The following CPZ variants were observed in gnomAD, a reference collection of about 807,000 sequenced individuals.
CPZ encodes VEZT/CPZ fusion.
A neutral mutation model predicts 61.8 loss-of-function variants in CPZ; 103 were observed. That is an observed-to-expected ratio of 1.67 (90% confidence interval 1.42 to 1.96). The LOEUF (loss-of-function observed/expected upper bound fraction) is 1.96, where lower values mean the gene tolerates loss of function less well. Ranked by LOEUF, CPZ falls within the 30% of genes most tolerant of loss-of-function variation. The pLI is 0.00. For synonymous variants in CPZ, 551 were observed against 373.7 expected, an observed-to-expected ratio of 1.47 and a Z score of -5.47; for missense variants, 1,461 against 914.9, an observed-to-expected ratio of 1.60 and a Z score of -7.70.
Position 8,612,115 on chromosome 4 carries a change from A to G in CPZ, c.1316A>G (p.Lys439Arg). Residue 439 changes from lysine to arginine, a missense_variant, in exon 8 of 11, where the codon AAG becomes AGG. Coordinates refer to ENST00000360986, the MANE Select transcript of CPZ (RefSeq NM_001014447.3). ...SENRCGGNFL[K>R]RGSIINGADW... ...AATAGGTGTGGAGGCAATTTCCTGAAGAGGGGGAGCATCATCAACGGGGCG... is the reference window on the plus strand; with the variant it reads ...AATAGGTGTGGAGGCAATTTCCTGAGGAGGGGGAGCATCATCAACGGGGCG... 1.3e-6 allele frequency: 2 copies of G among 1,595,354 alleles called. No individual in the cohort carries two copies. Among genetic ancestry groups the G allele is most frequent in the African/African-American group, 1.4e-5 (1 of 73,500 alleles).
intron 7 of CPZ, among the ~76,000 whole-genome samples, chr4:8,610,116 G>T (rs926888948): frequency 3.9e-5 from 6 of 152,224 alleles, no homozygotes; most frequent in Non-Finnish European, 8.8e-5. Flanking sequence ...TTTCCCAAGG[G>T]CTTCCTGGGG....
At position 8,615,854 on chromosome 4, in the gene CPZ, G is replaced by A. The variant is rs553700660; in HGVS notation, c.1503+1356G>A. On this transcript the variant is annotated intron_variant, in intron 9 of 10. Coordinates refer to ENST00000360986, the MANE Select transcript of CPZ (RefSeq NM_001014447.3). The stretch of plus-strand genomic sequence containing the variant: ...GAGCGAACTCCCTGGGGCAGCAGCC[G>A]CTGAGATAGGAAAGAAACAAAGCCC... Among the ~76,000 whole-genome samples, 10 of 152,340 alleles carry A rather than the reference G, an allele frequency of 6.6e-5. No homozygotes were observed. In the South Asian group the frequency reaches 8.3e-4, roughly 13 times the overall value.
intron 5 of CPZ, 104 bp from the exon 6 acceptor site, chr4:8,606,633 C>T (rs773133134): frequency 6.9e-7 from 1 of 1,446,366 alleles, no homozygotes; most frequent in Non-Finnish European, 9.6e-7. Context: ...CCGGGGGAAA[C>T]CGCAGCCCCT....
chr4:8,605,906 A>C (rs533492571), intron 4 of CPZ, 83 bp from the exon 5 acceptor site: 1 of 1,395,226 alleles, frequency 7.2e-7, no homozygotes, highest in African/African-American at 1.4e-5. Flanking sequence ...CCATCTGGTC[A>C]TTCTTGCTGA....
At position 8,618,084 on chromosome 4, in the gene CPZ, G is replaced by C. The variant is rs115400033; in HGVS notation, c.1504-345G>C. On this transcript the variant is annotated intron_variant, in intron 9 of 10. Coordinates refer to ENST00000360986, the MANE Select transcript of CPZ (RefSeq NM_001014447.3). ...GAGGGACCCAGGGAGTCCCGCTGGG[G>C]CTGGGAAGGCAGGGAAGGAATGCCG... 1,438 of 314,200 alleles carry C rather than the reference G, an allele frequency of 4.6e-3. 26 individuals carry two copies. Among genetic ancestry groups the C allele is most frequent in the African/African-American group, 0.029 (1,362 of 46,706 alleles). The allele number at this position is 314,200 out of a possible 1,614,324, so 19.5% of individuals were successfully genotyped here.
At chr4:8,593,585 G>A (rs916382399) in intron 1 of CPZ, among the ~76,000 whole-genome samples, 6 of 152,208 alleles carry the variant, frequency 3.9e-5, no homozygotes, top group Non-Finnish European at 5.9e-5. Context: ...CTCTCCAGGT[G>A]TGGGGGTGCA....
intron 8 of CPZ, among the ~76,000 whole-genome samples, chr4:8,613,120 C>A (rs1715852583): frequency 6.6e-6 from 1 of 151,170 alleles, no homozygotes; most frequent in South Asian, 2.1e-4. Context: ...CTGGGAGAGG[C>A]CCCTCTCTGT....
intron 7 of CPZ, among the ~76,000 whole-genome samples, chr4:8,608,135 T>TCCGGGCCCCAGCCTCCAGCCC (rs1715202301): frequency 7.3e-6 from 1 of 137,574 alleles, no homozygotes; most frequent in African/African-American, 3.1e-5. Flanking sequence ...GGCCCCAGCC[T>TCCGGGCCCCAGCCTCCAGCCC]CCAGCCCCCA....
chr4:8,596,341 C>T (rs2109310874), intron 1 of CPZ, among the ~76,000 whole-genome samples: 1 of 152,346 alleles, frequency 6.6e-6, no homozygotes, highest in East Asian at 1.9e-4. Context: ...TGGGCCACTG[C>T]ACCCGGCTGT....
At chr4:8,617,660 G>A (rs915975567) in intron 9 of CPZ, among the ~76,000 whole-genome samples, 8 of 152,102 alleles carry the variant, frequency 5.3e-5, no homozygotes, top group Admixed American at 2.0e-4. Flanking sequence ...GCTGAGCCCC[G>A]TGCAGGGCCC....
chr4:8,593,199 C>T (rs1379608457), intron 1 of CPZ, among the ~76,000 whole-genome samples: 1 of 152,192 alleles, frequency 6.6e-6, no homozygotes, highest in African/African-American at 2.4e-5. Flanking sequence ...GATCTTTTTC[C>T]TGTCGGACAC....
chr4:8,612,116 GA>G lies in CPZ; in HGVS notation c.1318del (p.Arg440GlyfsTer32), dbSNP rs1244491093. On this transcript the variant is annotated frameshift_variant, in exon 8 of 11. Coordinates refer to ENST00000360986, the MANE Select transcript of CPZ (RefSeq NM_001014447.3). LOFTEE classifies it high-confidence loss of function. The stretch of plus-strand genomic sequence containing the variant: ...ATAGGTGTGGAGGCAATTTCCTGAA[GA>G]GGGGGAGCATCATCAACGGGGCGGA... ...ENRCGGNFLK[R>X]GSIINGADWY... 6.2e-7 allele frequency: 1 copy of G among 1,611,706 alleles called. No individual in the cohort carries two copies.
At chr4:8,599,682 G>A in intron 2 of CPZ, 197 bp downstream of exon 2, 1 of 1,405,512 alleles carries the variant, frequency 7.1e-7, no homozygotes, top group Non-Finnish European at 9.4e-7. Flanking sequence ...CTAGGAAAAG[G>A]TGCACCAGCT....
intron 1 of CPZ, among the ~76,000 whole-genome samples, chr4:8,596,096 G>A (rs1428629207): frequency 6.6e-6 from 1 of 151,470 alleles, no homozygotes; most frequent in Non-Finnish European, 1.5e-5. Flanking sequence ...CTGTCACCCA[G>A]GCTGGAGTGC....
intron 9 of CPZ, among the ~76,000 whole-genome samples, chr4:8,614,894 C>G (rs952023692): frequency 1.3e-5 from 2 of 151,874 alleles, no homozygotes; most frequent in African/African-American, 4.8e-5. Flanking sequence ...AATCAAACCA[C>G]AGGACAGGGA....
At chr4:8,614,816 C>A (rs1257492953) in intron 9 of CPZ, among the ~76,000 whole-genome samples, 1 of 152,128 alleles carries the variant, frequency 6.6e-6, no homozygotes, top group African/African-American at 2.4e-5. Context: ...TCTGACCCAG[C>A]CTCAGAGGCT....
At chr4:8,605,446 C>G (rs1270479939) in intron 4 of CPZ, among the ~76,000 whole-genome samples, 1 of 151,884 alleles carries the variant, frequency 6.6e-6, no homozygotes, top group Non-Finnish European at 1.5e-5. Flanking sequence ...TATTTACACA[C>G]CCATCCATCA....
chr4:8,605,429 ATCCATTTAT>A (rs1714883667), intron 4 of CPZ, among the ~76,000 whole-genome samples: 1 of 151,614 alleles, frequency 6.6e-6, no homozygotes. Flanking sequence ...CTCATCATCC[ATCCATTTAT>A]TTACACACCC....
chr4:8,594,073 C>G (rs1425467046), intron 1 of CPZ, among the ~76,000 whole-genome samples: 1 of 152,232 alleles, frequency 6.6e-6, no homozygotes, highest in Non-Finnish European at 1.5e-5. Flanking sequence ...GCCTCCTCCT[C>G]TGCACGCAGG....
Sources: allele counts gnomAD v4.1 joint callset (sites outside exome capture counted in the v4.1 genomes callset), GRCh38; gene constraint gnomAD v4.1.1; transcripts MANE v1.5; gene names NCBI Gene and HGNC (gene_info 2026-07-23, HGNC 2026-07-21).